The following RPA1 variants were observed in gnomAD, a reference collection of about 807,000 sequenced individuals.
The protein encoded by RPA1 is replication protein A1.
Under a neutral mutation model 83.0 loss-of-function variants are expected in RPA1, and 49 were observed. The observed-to-expected ratio is 0.59, with a 90% CI of 0.47 to 0.75. RPA1 has a LOEUF of 0.75. Ranked by LOEUF, RPA1 falls within the 30% of genes least tolerant of loss-of-function variation. The pLI, the probability that RPA1 is intolerant of heterozygous loss-of-function variation, is 0.00. For missense variants in RPA1, 693 were observed against 776.1 expected (o/e 0.89, Z 1.27); for synonymous variants, 279 against 281.8 (o/e 0.99, Z 0.10).
Position 1,880,564 on chromosome 17 carries a change from A to G in RPA1, c.1114A>G (p.Arg372Gly). The change falls in exon 12 of 17, where the codon AGA becomes GGA. Residue 372 changes from arginine to glycine, a missense_variant. Physicochemically the swap from Arg to Gly is moderately radical, Grantham distance 125 (BLOSUM62 -2). Coordinates refer to ENST00000254719, the MANE Select transcript of RPA1 (RefSeq NM_002945.5). ...GEDADKFDGS[R>G]QPVLAIKGAR... Reference sequence around the variant, plus strand: ...ACAGGCTGATAAATTTGATGGTTCTAGACAGCCCGTGTTGGCTATCAAAGG... The same window carrying G: ...ACAGGCTGATAAATTTGATGGTTCTGGACAGCCCGTGTTGGCTATCAAAGG... 1 of 1,614,060 alleles carries G rather than the reference A, an allele frequency of 6.2e-7. No homozygotes were observed. The highest frequency in any genetic ancestry group is 8.5e-7 in the Non-Finnish European group (1 of 1,179,998).
At chr17:1,838,883 C>G (rs1911930577) in intron 1 of RPA1, among the ~76,000 whole-genome samples, 1 of 152,102 alleles carries the variant, frequency 6.6e-6, no homozygotes, top group Admixed American at 6.6e-5. Context: ...TGGAGCCTCG[C>G]TCTGTCACCC....
chr17:1,831,702 C>G (rs1305785136), intron 1 of RPA1, among the ~76,000 whole-genome samples: 1 of 144,470 alleles, frequency 6.9e-6, no homozygotes, highest in Non-Finnish European at 1.5e-5. Flanking sequence ...GGGTTCACGC[C>G]ATTCTCCTGT....
rs1305193864 is a variant in RPA1 at position 1,874,038 on chromosome 17, C to T, written c.454+1512C>T. On this transcript the variant is annotated intron_variant, in intron 6 of 16. Transcript: ENST00000254719. Reference sequence around the variant, plus strand: ...ATATATATATATATATATATACACACACACACACACACACACACACACACA... The same window carrying T: ...ATATATATATATATATATATACACATACACACACACACACACACACACACA... Among the ~76,000 whole-genome samples, 707 of 136,218 alleles carry T rather than the reference C, an allele frequency of 5.2e-3. 13 individuals are homozygous for T. The highest frequency in any genetic ancestry group is 0.02 in the African/African-American group (682 of 33,596). The allele number at this position is 136,218 out of a possible 152,430, so 89.4% of individuals were successfully genotyped here.
chr17:1,845,460 C>T (rs1245430475), intron 4 of RPA1, among the ~76,000 whole-genome samples: 7 of 152,014 alleles, frequency 4.6e-5, no homozygotes, highest in African/African-American at 1.2e-4. Flanking sequence ...TCCCTAACCC[C>T]AGGAGTTTGA....
chr17:1,860,718 C>T (rs937489794), intron 5 of RPA1, among the ~76,000 whole-genome samples: 2 of 152,112 alleles, frequency 1.3e-5, no homozygotes, highest in Admixed American at 6.6e-5. Context: ...CAGTTGATCC[C>T]GGCCTCTCCG....
chr17:1,844,721 G>A (rs371001099), intron 4 of RPA1, 35 bp downstream of exon 4: 73 of 1,509,230 alleles, frequency 4.8e-5, no homozygotes, highest in Non-Finnish European at 5.9e-5. Context: ...TTATTGTATC[G>A]TAGAATGGGA....
At chr17:1,874,989 A>G in intron 6 of RPA1, among the ~76,000 whole-genome samples, 1 of 152,234 alleles carries the variant, frequency 6.6e-6, no homozygotes, top group Admixed American at 6.5e-5. Flanking sequence ...TGGTGCGTAT[A>G]AAAGAACTCA....
At position 1,897,062 on chromosome 17, in the gene RPA1, T is replaced by A. The variant is rs1015414039; in HGVS notation, c.1747-9T>A. 6.4e-7 allele frequency: 1 copy of A among 1,561,104 alleles called. No homozygotes were observed. The highest frequency in any genetic ancestry group is 2.4e-5 in the East Asian group (1 of 41,732). ...TCACTGCTCACAAACTACTTCTCCC[T>A]TTTTGAAGGACGAGTCTCGAATTAA... On this transcript the variant is annotated splice_polypyrimidine_tract_variant and intron_variant, in intron 16 of 16. Transcript: ENST00000254719.
chr17:1,862,544 C>G (rs1374110598), intron 5 of RPA1, among the ~76,000 whole-genome samples: 1 of 148,886 alleles, frequency 6.7e-6, no homozygotes, highest in Non-Finnish European at 1.5e-5. Flanking sequence ...TCAGCCTCAC[C>G]AGTAGCTGGG....
chr17:1,876,208 C>CACATGA (rs1377813863), intron 7 of RPA1, among the ~76,000 whole-genome samples: 7 of 152,292 alleles, frequency 4.6e-5, no homozygotes, highest in African/African-American at 1.7e-4. Context: ...TTGTATTAAA[C>CACATGA]ACATGAACAT....
At position 1,897,176 on chromosome 17, in the gene RPA1, G is replaced by C. The variant is rs191768083; in HGVS notation, c.*1G>C. 9.5e-5 allele frequency: 148 copies of C among 1,550,764 alleles called. No individual in the cohort carries two copies. The highest frequency in any genetic ancestry group is 3.3e-4 in the Middle Eastern group (2 of 5,986). ...CATCAGGAGAAGTGCATTGATGTGA[G>C]AGGAGCAGTGCCAATCGGGCAGAAG... is the stretch of plus-strand genomic sequence containing the variant. On this transcript the variant is annotated 3_prime_UTR_variant, in exon 17 of 17. Transcript: ENST00000254719.
rs755598204 is a variant in RPA1, at chr17:1,883,791, GTTATTCGT to G, written c.1242-19_1242-12del. 2 of 1,613,782 alleles carry G rather than the reference GTTATTCGT, an allele frequency of 1.2e-6. No homozygotes were observed. The highest frequency in any genetic ancestry group is 1.3e-5 in the African/African-American group (1 of 74,908). The stretch of plus-strand genomic sequence containing the variant: ...CATGTCACATCAAGCGCTCGTCATC[GTTATTCGT>G]TCACGTTTTCAGGTTTGACGCAGAA... On this transcript the variant is annotated splice_polypyrimidine_tract_variant and intron_variant, in intron 12 of 16. Coordinates refer to ENST00000254719, the MANE Select transcript of RPA1 (RefSeq NM_002945.5).
chr17:1,895,605 A>G (rs1440408714), intron 16 of RPA1, among the ~76,000 whole-genome samples: 1 of 151,804 alleles, frequency 6.6e-6, no homozygotes. Context: ...AACAAAGGCC[A>G]CGTGTGGTTA....
intron 15 of RPA1, among the ~76,000 whole-genome samples, chr17:1,893,507 C>T (rs537204077): frequency 1.3e-5 from 2 of 152,236 alleles, no homozygotes; most frequent in African/African-American, 4.8e-5. Flanking sequence ...AGCAAAGCTG[C>T]TTTCACGCCG....
At chr17:1,866,919 AGAT>A (rs944910801) in intron 5 of RPA1, among the ~76,000 whole-genome samples, 92 of 152,218 alleles carry the variant, frequency 6.0e-4, no homozygotes, top group African/African-American at 2.1e-3. Context: ...TTCTAATGAG[AGAT>A]GTGTATACGT....
chr17:1,830,848 C>T (rs1911532969), intron 1 of RPA1, among the ~76,000 whole-genome samples: 1 of 151,998 alleles, frequency 6.6e-6, no homozygotes, highest in Non-Finnish European at 1.5e-5. Context: ...TCACTGCAAC[C>T]TCCGTCTCCC....
chr17:1,836,760 CAA>C (rs78570961), intron 1 of RPA1, among the ~76,000 whole-genome samples: 30,662 of 150,842 alleles, frequency 0.2, 3,289 homozygotes, highest in Admixed American at 0.24. Flanking sequence ...CTCCTGAACT[CAA>C]GAGATCCTCG....
Position 1,872,535 on chromosome 17 carries a change from C to T in RPA1, c.454+9C>T. ...TGGAAGCTCGGGAATGGGTGAGATG[C>T]CTCACGGGGCGTGCGCTGACCAGGG... On this transcript the variant is annotated intron_variant, in intron 6 of 16. Transcript: ENST00000254719. 1 of 1,613,170 alleles carries T rather than the reference C, an allele frequency of 6.2e-7. No homozygotes were observed. Among genetic ancestry groups the T allele is most frequent in the African/African-American group, 1.3e-5 (1 of 75,026 alleles).
chr17:1,861,727 T>TC, intron 5 of RPA1, among the ~76,000 whole-genome samples: 1 of 145,482 alleles, frequency 6.9e-6, no homozygotes, highest in East Asian at 2.0e-4. Context: ...GTGCTCTCTC[T>TC]TTTTTTTTTT....
Sources: gnomAD v4.1 joint callset for allele counts (sites outside exome capture counted in the v4.1 genomes callset) on GRCh38, gnomAD v4.1.1 for gene constraint, MANE v1.5 for transcripts, NCBI Gene and HGNC (gene_info 2026-07-23, HGNC 2026-07-21) for gene names.